Variants in RECK observed in about 807,000 individuals in gnomAD.
RECK encodes reversion inducing cysteine rich protein with kazal motifs.
A neutral mutation model predicts 115.1 loss-of-function variants in RECK; 69 were observed. The observed-to-expected ratio is 0.60, with a 90% confidence interval of 0.49 to 0.73. The LOEUF is 0.73. Among genes scored for constraint, RECK ranks in the 30% least tolerant of loss-of-function variants. The pLI is 0.00. For missense variants in RECK, 1,047 were observed against 1,203.7 expected (o/e 0.87, Z 1.93); for synonymous variants, 414 against 419.7 (o/e 0.99, Z 0.17).
chr9:36,097,359 A>G (rs1823394100), intron 10 of RECK, among the ~76,000 whole-genome samples: 2 of 151,890 alleles, frequency 1.3e-5, no homozygotes, highest in South Asian at 4.2e-4. Context: ...AAAATTGTGC[A>G]AGAAACTTTC....
chr9:36,113,425 T>C (rs969552576), intron 16 of RECK, among the ~76,000 whole-genome samples: 1 of 152,332 alleles, frequency 6.6e-6, no homozygotes, highest in East Asian at 1.9e-4. Context: ...AAAGTTTCTA[T>C]GGAAAGAAGA....
chr9:36,100,276 C>G, intron 10 of RECK, 55 bp from the exon 11 acceptor site: 3 of 1,457,618 alleles, frequency 2.1e-6, no homozygotes, highest in Non-Finnish European at 1.9e-6. Flanking sequence ...TTACTTGTTG[C>G]TTCTCTCTAG....
In RECK at chr9:36,117,030, T is replaced by C. The variant is rs750295955; in HGVS notation, c.2106T>C (p.Phe702=). The C allele has an allele frequency of 1.9e-6, 3 of 1,613,092 alleles. No individual in the cohort carries two copies. The highest frequency in any genetic ancestry group is 2.7e-5 in the African/African-American group (2 of 74,912). ...TCTGCCTGACGACTTTTGATAAATT[T>C]GGATGTAGCCAGTATGAGTGTGTAC... ...PQVCLTTFDK[F]GCSQYECVPR... Residue 702 remains phenylalanine (F), a synonymous_variant, in exon 17 of 21, where the codon TTT becomes TTC. Coordinates refer to ENST00000377966, the MANE Select transcript of RECK (RefSeq NM_021111.3).
chr9:36,083,678 T>G, intron 8 of RECK, 116 bp downstream of exon 8: 1 of 1,104,002 alleles, frequency 9.1e-7, no homozygotes, highest in Non-Finnish European at 1.3e-6. Context: ...ATATCAGACT[T>G]CCTTTGGTAT....
In RECK at chr9:36,118,826, T is replaced by C; in HGVS notation, c.2323T>C (p.Tyr775His). The change falls in exon 18 of 21, where the codon TAC becomes CAC. Residue 775 changes from tyrosine to histidine, a missense_variant. Tyr to His is a moderately conservative substitution (Grantham distance 83). Coordinates refer to ENST00000377966, the MANE Select transcript of RECK (RefSeq NM_021111.3). ...GETYSSVCAA[Y>H]SDRVAVDYYG... ...GACCTACAGCAGTGTGTGTGCTGCC[T>C]ACTCGGATCGCGTGGCAGTCGATTA... 4.3e-6 allele frequency: 7 copies of C among 1,614,198 alleles called. No homozygotes were observed. Among genetic ancestry groups the C allele is most frequent in the Middle Eastern group, 1.7e-4 (1 of 6,060 alleles).
In RECK at chr9:36,108,114, T is replaced by G. The variant is rs757090807; in HGVS notation, c.1715T>G (p.Met572Arg). The G allele has an allele frequency of 6.2e-7, 1 of 1,614,012 alleles. No homozygotes were observed. The highest frequency in any genetic ancestry group is 1.7e-5 in the Admixed American group (1 of 60,012). Reference sequence around the variant, plus strand: ...GGACTCTTAGAAAACTGTATGGAAATGCACTGTATAGACCTCCAGAAGTCT... The same window carrying G: ...GGACTCTTAGAAAACTGTATGGAAAGGCACTGTATAGACCTCCAGAAGTCT... Reference protein sequence around the residue: ...QSGLLENCMEMHCIDLQKSCI... With the variant: ...QSGLLENCMERHCIDLQKSCI... Residue 572 changes from methionine to arginine, a missense_variant, in exon 14 of 21, where the codon ATG becomes AGG. Physicochemically the swap from Met to Arg is moderately conservative, Grantham distance 91. Transcript: ENST00000377966.
At position 36,046,480 on chromosome 9, in the gene RECK, CAG is replaced by C. The variant is rs1482574044; in HGVS notation, c.101-5783_101-5782del. Among the ~76,000 whole-genome samples the C allele has an allele frequency of 1.6e-4, 24 of 152,254 alleles. 1 individual carries two copies. The highest frequency in any genetic ancestry group is 3.4e-3 in the Middle Eastern group (1 of 294). ...TATTTCAAAGGAAGAAAAATGTGTGCAGATACAATAATGGCTAAGGGTAAGAA... is the reference window on the plus strand; with the variant it reads ...TATTTCAAAGGAAGAAAAATGTGTGCATACAATAATGGCTAAGGGTAAGAA... On this transcript the variant is annotated intron_variant, in intron 1 of 20. Transcript: ENST00000377966.
intron 18 of RECK, among the ~76,000 whole-genome samples, chr9:36,119,660 C>T (rs1287486941): frequency 6.6e-6 from 1 of 152,164 alleles, no homozygotes; most frequent in African/African-American, 2.4e-5. Context: ...CTCCTCTAAG[C>T]ACTGGGGACA....
chr9:36,068,711 T>C (rs1822108372), intron 6 of RECK, among the ~76,000 whole-genome samples: 1 of 152,198 alleles, frequency 6.6e-6, no homozygotes, highest in South Asian at 2.1e-4. Context: ...TGAAATCCCC[T>C]TCCCTTCCCA....
intron 2 of RECK, among the ~76,000 whole-genome samples, chr9:36,054,267 A>T (rs2132567836): frequency 6.6e-6 from 1 of 152,300 alleles, no homozygotes; most frequent in South Asian, 2.1e-4. Context: ...GAGGTTAGGG[A>T]AAAGATATGG....
intron 10 of RECK, 33 bp from the exon 11 acceptor site, chr9:36,100,298 C>T (rs377254432): frequency 7.7e-5 from 120 of 1,559,064 alleles, no homozygotes; most frequent in Non-Finnish European, 1.0e-4. Context: ...AAATAATTGC[C>T]TCTTGATTCT....
intron 8 of RECK, among the ~76,000 whole-genome samples, chr9:36,084,371 A>G (rs935887051): frequency 1.3e-5 from 2 of 151,928 alleles, no homozygotes; most frequent in African/African-American, 4.8e-5. Flanking sequence ...AGTCTGGATG[A>G]CAGAGAGAGA....
At chr9:36,075,491 G>A (rs1009695290) in intron 6 of RECK, among the ~76,000 whole-genome samples, 2 of 152,134 alleles carry the variant, frequency 1.3e-5, no homozygotes, top group African/African-American at 4.8e-5. Context: ...ATAATCACTT[G>A]TTTAGTGATA....
intron 16 of RECK, 72 bp from the exon 17 acceptor site, chr9:36,116,913 A>C: frequency 8.1e-7 from 1 of 1,238,764 alleles, no homozygotes. Context: ...CCTATCCCTC[A>C]TCTAGTGCTT....
intron 1 of RECK, among the ~76,000 whole-genome samples, chr9:36,051,590 C>T (rs976216825): frequency 6.6e-6 from 1 of 152,196 alleles, no homozygotes; most frequent in African/African-American, 2.4e-5. Flanking sequence ...TGTGATGCCA[C>T]TCTCACGGTT....
In RECK at chr9:36,052,195, A is replaced by G. The variant is rs1821333714; in HGVS notation, c.101-70A>G. 4 of 901,930 alleles carry G rather than the reference A, an allele frequency of 4.4e-6. No homozygotes were observed. In the East Asian group the frequency reaches 9.7e-5, roughly 22 times the overall value. 55.9% of individuals were successfully genotyped at this position (901,930 alleles called of 1,614,324 possible). A position where few individuals can be genotyped will look rare whatever the true frequency, so the allele number is the denominator to read the frequency against. On this transcript the variant is annotated intron_variant, in intron 1 of 20. Coordinates refer to ENST00000377966, the MANE Select transcript of RECK (RefSeq NM_021111.3). ...ATCTACTGAATAAATGGTTTGTGTA[A>G]CCATCTGAATTAGCTTAGTCATCTT...
chr9:36,069,050 G>A (rs987662094), intron 6 of RECK, among the ~76,000 whole-genome samples: 9 of 151,800 alleles, frequency 5.9e-5, no homozygotes, highest in African/African-American at 1.7e-4. Flanking sequence ...GGATTTCCAC[G>A]GATAAAGTCC....
At chr9:36,078,432 G>C (rs1230984674) in intron 6 of RECK, among the ~76,000 whole-genome samples, 1 of 152,130 alleles carries the variant, frequency 6.6e-6, no homozygotes, top group Non-Finnish European at 1.5e-5. Flanking sequence ...TATCAGTCTT[G>C]GCACCACTGG....
Position 36,105,248 on chromosome 9 carries a change from C to T in RECK, c.1541C>T (p.Ser514Phe), listed in dbSNP as rs751159803. Residue 514 changes from serine (S) to phenylalanine (F), a missense_variant, in exon 13 of 21, where the codon TCT (serine) becomes TTT (phenylalanine). Transcript: ENST00000377966. Reference sequence around the variant, plus strand: ...GAAGTAAACCGAAAAGGATGTCCATCTGGAGATCCCTGTCTTCCATACTTT... The same window carrying T: ...GAAGTAAACCGAAAAGGATGTCCATTTGGAGATCCCTGTCTTCCATACTTT... ...LCEVNRKGCP[S>F]GDPCLPYFCV... is the part of the protein sequence containing the mutation. The T allele has an allele frequency of 6.8e-6, 11 of 1,614,068 alleles. No individual in the cohort carries two copies. Among genetic ancestry groups the T allele is most frequent in the Admixed American group, 1.7e-5 (1 of 60,024 alleles).
Sources: gnomAD v4.1 joint callset for allele counts (sites outside exome capture counted in the v4.1 genomes callset) on GRCh38, gnomAD v4.1.1 for gene constraint, MANE v1.5 for transcripts, NCBI Gene and HGNC (gene_info 2026-07-23, HGNC 2026-07-21) for gene names.